CCNB2: variants seen among roughly 807,000 people sequenced by gnomAD.
CCNB2 encodes the protein G2/mitotic-specific cyclin-B2.
In CCNB2, 39 loss-of-function variants were observed where a neutral mutation model predicts 51.1. That is an observed-to-expected ratio of 0.76 (90% CI 0.59 to 1.00). The LOEUF (loss-of-function observed/expected upper bound fraction) is 1.00. Ranked by LOEUF, CCNB2 falls within the 50% of genes least tolerant of loss-of-function variation. The pLI is 0.00. For missense variants in CCNB2, 472 were observed against 470.3 expected, an observed-to-expected ratio of 1.00 and a Z score of -0.03; for synonymous variants, 174 against 165.5, an observed-to-expected ratio of 1.05 and a Z score of -0.40.
intron 3 of CCNB2, among the ~76,000 whole-genome samples, chr15:59,110,169 A>G (rs1005405869): frequency 6.6e-6 from 1 of 152,106 alleles, no homozygotes; most frequent in African/African-American, 2.4e-5. Context: ...TGTGACCTCC[A>G]TAACTTCATC....
At chr15:59,106,485 G>C (rs3764193) in intron 1 of CCNB2, among the ~76,000 whole-genome samples, 5,007 of 152,210 alleles carry the variant, frequency 0.033, 164 homozygotes, top group African/African-American at 0.08. Flanking sequence ...TGAACTCTCA[G>C]GGATAGGACA....
At chr15:59,114,362 G>T in intron 3 of CCNB2, 82 bp from the exon 4 acceptor site, 1 of 976,530 alleles carries the variant, frequency 1.0e-6, no homozygotes, top group South Asian at 1.8e-5. Context: ...ATGTGCGTAT[G>T]ATATTGATAT....
At chr15:59,115,905 A>AT (rs1357991830) in intron 5 of CCNB2, 1 of 151,712 alleles carries the variant, frequency 6.6e-6, no homozygotes, top group Non-Finnish European at 1.5e-5. Flanking sequence ...TAAGTTTTTG[A>AT]TTTTTTTATA....
In CCNB2 at chr15:59,114,737, C is replaced by T. The variant is rs200052341; in HGVS notation, c.458C>T (p.Pro153Leu). 3.1e-6 allele frequency: 5 copies of T among 1,612,122 alleles called. No individual in the cohort carries two copies. Among genetic ancestry groups the T allele is most frequent in the African/African-American group, 1.3e-5 (1 of 74,862 alleles). Residue 153 changes from proline (P) to leucine (L), a missense_variant, in exon 5 of 9, where the codon CCA (proline) becomes CTA (leucine). Pro to Leu is a moderately conservative substitution (Grantham distance 98, BLOSUM62 -3). Coordinates refer to ENST00000288207, the MANE Select transcript of CCNB2 (RefSeq NM_004701.4). ...RQLEVLQSINPHFLDGRDING... is the reference protein window; with the variant it reads ...RQLEVLQSINLHFLDGRDING... ...CCACAGGTTTTGCAGTCCATAAACCCACATTTCTTAGATGGAAGAGATATA... is the reference window on the plus strand; with the variant it reads ...CCACAGGTTTTGCAGTCCATAAACCTACATTTCTTAGATGGAAGAGATATA...
intron 3 of CCNB2, among the ~76,000 whole-genome samples, chr15:59,113,868 T>G (rs2079267791): frequency 6.6e-6 from 1 of 152,132 alleles, no homozygotes; most frequent in Non-Finnish European, 1.5e-5. Context: ...CCCAGCTAGT[T>G]TTTGTATTTT....
At position 59,114,806 on chromosome 15, in the gene CCNB2, T is replaced by G; in HGVS notation, c.527T>G (p.Val176Gly). Residue 176 changes from valine (V) to glycine (G), a missense_variant, in exon 5 of 9, where the codon GTC (valine) becomes GGC (glycine). Physicochemically the swap from Val to Gly is moderately radical, Grantham distance 109. Transcript: ENST00000288207. ...ATCCTAGTGGATTGGCTGGTACAAG[T>G]CCACTCCAAGTTTAGGCTTCTGCAG... ...RAILVDWLVQ[V>G]HSKFRLLQET... is the part of the protein sequence containing the mutation. 6.2e-7 allele frequency: 1 copy of G among 1,614,124 alleles called. No homozygotes were observed. The highest frequency in any genetic ancestry group is 8.5e-7 in the Non-Finnish European group (1 of 1,180,012).
chr15:59,122,744 C>T (rs1472665966), intron 7 of CCNB2, among the ~76,000 whole-genome samples: 2 of 152,028 alleles, frequency 1.3e-5, no homozygotes, highest in Non-Finnish European at 2.9e-5. Flanking sequence ...CAATGTTACC[C>T]AAGCTGGTCT....
Position 59,116,819 on chromosome 15 carries a change from A to G in CCNB2, c.727A>G (p.Ser243Gly). 6.2e-7 allele frequency: 1 copy of G among 1,614,194 alleles called. No homozygotes were observed. The highest frequency in any genetic ancestry group is 8.5e-7 in the Non-Finnish European group (1 of 1,179,990). Reference protein sequence around the residue: ...FVYITDNAYTSSQIREMETLI... With the variant: ...FVYITDNAYTGSQIREMETLI... ...TTACATCACAGACAATGCTTATACC[A>G]GTTCCCAAATCCGAGAAATGGAAAC... Residue 243 changes from serine (S) to glycine (G), a missense_variant, in exon 6 of 9, where the codon AGT becomes GGT. Coordinates refer to ENST00000288207, the MANE Select transcript of CCNB2 (RefSeq NM_004701.4).
rs747798834 is a variant in CCNB2, at chr15:59,124,839, G to A, written c.1159G>A (p.Val387Ile). ...SMIPQLNSKA[V>I]KDLASPLIGR... ...GATCCCTCAGCTGAACTCAAAAGCC[G>A]TCAAAGACCTTGCCTCCCCACTGAT... Residue 387 changes from valine to isoleucine, a missense_variant, in exon 9 of 9, where the codon GTC becomes ATC. Val to Ile is a conservative substitution (Grantham distance 29). Transcript: ENST00000288207. 4.7e-5 allele frequency: 75 copies of A among 1,606,890 alleles called. No homozygotes were observed. The highest frequency in any genetic ancestry group is 6.7e-5 in the East Asian group (3 of 44,714).
intron 7 of CCNB2, among the ~76,000 whole-genome samples, chr15:59,122,541 T>C (rs1596333291): frequency 6.6e-6 from 1 of 150,608 alleles, no homozygotes; most frequent in South Asian, 2.1e-4. Context: ...TTTTTTCTTT[T>C]TTTTTCTTTT....
At chr15:59,124,698 G>A in intron 8 of CCNB2, 69 bp from the exon 9 acceptor site, 1 of 1,043,286 alleles carries the variant, frequency 9.6e-7, no homozygotes, top group South Asian at 1.3e-5. Flanking sequence ...TGATAATTGT[G>A]AGTTAGACTA....
Position 59,107,820 on chromosome 15 carries a change from C to T in CCNB2, c.267+150C>T, listed in dbSNP as rs905509551. Reference sequence around the variant, plus strand: ...CAATAGTGTAGGAAATGAGTATATACACCTTTTAACTTAATAACATTATGA... The same window carrying T: ...CAATAGTGTAGGAAATGAGTATATATACCTTTTAACTTAATAACATTATGA... On this transcript the variant is annotated intron_variant, in intron 3 of 8. Coordinates refer to ENST00000288207, the MANE Select transcript of CCNB2 (RefSeq NM_004701.4). 9 of 624,090 alleles carry T rather than the reference C, an allele frequency of 1.4e-5. No homozygotes were observed. The Admixed American group carries it at 2.4e-4, about 17-fold the overall frequency. The allele number at this position is 624,090 out of a possible 1,614,324, so 38.7% of individuals were successfully genotyped here.
intron 3 of CCNB2, among the ~76,000 whole-genome samples, chr15:59,109,642 T>G (rs572747764): frequency 9.2e-5 from 14 of 152,348 alleles, no homozygotes; most frequent in African/African-American, 3.1e-4. Context: ...ATGGTAGTTA[T>G]TTTTGAATAT....
intron 3 of CCNB2, among the ~76,000 whole-genome samples, chr15:59,110,942 A>T (rs1247557880): frequency 6.6e-6 from 1 of 152,214 alleles, no homozygotes; most frequent in Non-Finnish European, 1.5e-5. Flanking sequence ...TAAACCATCG[A>T]TTCTGTCTAG....
In CCNB2 at chr15:59,113,760, G is replaced by A. The variant is rs539010744; in HGVS notation, c.268-684G>A. Among the ~76,000 whole-genome samples, 24 of 152,236 alleles carry A rather than the reference G, an allele frequency of 1.6e-4. No homozygotes were observed. In the South Asian group the frequency reaches 4.1e-3, roughly 26 times the overall value. Reference sequence around the variant, plus strand: ...TGGTTTTGAGGCGGAGTCTTGTTCCGTCCAGCCCAGGCTGGAGTGCAGTGG... The same window carrying A: ...TGGTTTTGAGGCGGAGTCTTGTTCCATCCAGCCCAGGCTGGAGTGCAGTGG... On this transcript the variant is annotated intron_variant, in intron 3 of 8. Transcript: ENST00000288207.
chr15:59,117,342 C>T lies in CCNB2; in HGVS notation c.949C>T (p.Gln317Ter). Residue 317 changes from glutamine (Q) to a stop codon, truncating the protein, a stop_gained, in exon 7 of 9, where the codon CAG becomes TAG. Transcript: ENST00000288207. LOFTEE classifies it high-confidence loss of function. Reference sequence around the variant, plus strand: ...AGCAGCAGCTGCTTCCTGCTTGTCTCAGAAGGTTCTAGGACAAGGAAAATG... The same window carrying T: ...AGCAGCAGCTGCTTCCTGCTTGTCTTAGAAGGTTCTAGGACAAGGAAAATG... ...KVAAAASCLS[Q>*]KVLGQGKWNL... The T allele has an allele frequency of 6.2e-7, 1 of 1,613,970 alleles. No individual in the cohort carries two copies. Among genetic ancestry groups the T allele is most frequent in the Non-Finnish European group, 8.5e-7 (1 of 1,179,974 alleles).
intron 5 of CCNB2, chr15:59,115,626 T>G (rs1293973511): frequency 6.6e-6 from 1 of 152,178 alleles, no homozygotes; most frequent in African/African-American, 2.4e-5. Flanking sequence ...AACAATGTAA[T>G]AAAAATTACT....
chr15:59,108,993 T>G (rs1433245346), intron 3 of CCNB2, among the ~76,000 whole-genome samples: 2 of 152,142 alleles, frequency 1.3e-5, no homozygotes, highest in Non-Finnish European at 2.9e-5. Flanking sequence ...GTGTTTTACA[T>G]GTGTAATGGT....
intron 7 of CCNB2, among the ~76,000 whole-genome samples, chr15:59,122,450 C>G (rs1328501454): frequency 6.6e-6 from 1 of 151,488 alleles, no homozygotes; most frequent in Non-Finnish European, 1.5e-5. Context: ...GTCTCGAACT[C>G]CTGACCTCAG....
Sources: allele counts gnomAD v4.1 joint callset (sites outside exome capture counted in the v4.1 genomes callset), GRCh38; gene constraint gnomAD v4.1.1; transcripts MANE v1.5; gene names NCBI Gene and HGNC (gene_info 2026-07-23, HGNC 2026-07-21).